The following ARHGEF7 variants were observed in gnomAD, a reference collection of about 807,000 sequenced individuals.
ARHGEF7 encodes the protein Rho guanine nucleotide exchange factor 7.
In ARHGEF7, 33 loss-of-function variants were observed where a neutral mutation model predicts 109.8. That is an observed-to-expected ratio of 0.30 (90% CI 0.23 to 0.40). The LOEUF (loss-of-function observed/expected upper bound fraction) is 0.40. Among genes scored for constraint, ARHGEF7 ranks in the 10% least tolerant of loss-of-function variants. ARHGEF7 has a pLI of 1.00. For synonymous variants in ARHGEF7, 458 were observed against 424.6 expected, an observed-to-expected ratio of 1.08 and a Z score of -0.97; for missense variants, 938 against 1,098.5, an observed-to-expected ratio of 0.85 and a Z score of 2.07.
intron 5 of ARHGEF7, among the ~76,000 whole-genome samples, chr13:111,232,074 A>G (rs1424803994): frequency 6.6e-6 from 1 of 152,062 alleles, no homozygotes; most frequent in Admixed American, 6.5e-5. Context: ...TCAATGTTAG[A>G]CCTATCTGCC....
intron 2 of ARHGEF7, among the ~76,000 whole-genome samples, chr13:111,198,819 C>T (rs1308085508): frequency 1.2e-4 from 18 of 152,184 alleles, no homozygotes; most frequent in Non-Finnish European, 2.4e-4. Context: ...GCCCTGCCCA[C>T]GTCCTGCTGA....
At chr13:111,210,615 A>G (rs2082379308) in intron 4 of ARHGEF7, among the ~76,000 whole-genome samples, 1 of 152,158 alleles carries the variant, frequency 6.6e-6, no homozygotes, top group African/African-American at 2.4e-5. Context: ...GTAATAGTGA[A>G]GTTGAAAATG....
chr13:111,221,017 A>T (rs911479819), intron 5 of ARHGEF7, among the ~76,000 whole-genome samples: 10 of 148,722 alleles, frequency 6.7e-5, no homozygotes, highest in African/African-American at 2.2e-4. Context: ...TTTATTATAT[A>T]TACATGTTAT....
chr13:111,215,318 T>A (rs2082988718), intron 4 of ARHGEF7, among the ~76,000 whole-genome samples: 1 of 152,124 alleles, frequency 6.6e-6, no homozygotes. Flanking sequence ...GCTGTCCTGC[T>A]CCTCCGTTGG....
intron 4 of ARHGEF7, among the ~76,000 whole-genome samples, chr13:111,212,564 C>T (rs2082631234): frequency 6.6e-6 from 1 of 152,012 alleles, no homozygotes; most frequent in Admixed American, 6.6e-5. Context: ...GGTGATTGTC[C>T]CCATCATCCT....
At chr13:111,279,938 T>A (rs983770544) in intron 13 of ARHGEF7, among the ~76,000 whole-genome samples, 1 of 152,252 alleles carries the variant, frequency 6.6e-6, no homozygotes, top group African/African-American at 2.4e-5. Flanking sequence ...ACAACTGTTA[T>A]ACACGGTAGT....
intron 5 of ARHGEF7, among the ~76,000 whole-genome samples, chr13:111,232,653 G>A (rs2086254257): frequency 6.6e-6 from 1 of 152,184 alleles, no homozygotes; most frequent in African/African-American, 2.4e-5. Context: ...GCCTGGTGTG[G>A]AAGTGAAGGC....
chr13:111,265,808 C>T (rs1280505184), intron 8 of ARHGEF7: 14 of 445,178 alleles, frequency 3.1e-5, no homozygotes, highest in South Asian at 9.5e-5. Context: ...GCCCCTTCCC[C>T]GCTGTGAGGA....
At chr13:111,217,585 T>G (rs2083291770) in intron 4 of ARHGEF7, 94 bp from the exon 5 acceptor site, 1 of 1,204,072 alleles carries the variant, frequency 8.3e-7, no homozygotes, top group Non-Finnish European at 1.2e-6. Context: ...GTTGGGCAAT[T>G]ATGCTACCTT....
intron 2 of ARHGEF7, among the ~76,000 whole-genome samples, chr13:111,201,799 G>C (rs1275718973): frequency 3.9e-5 from 6 of 152,082 alleles, no homozygotes; most frequent in Non-Finnish European, 1.5e-5. Flanking sequence ...CCTTCTTCCA[G>C]CACCGCCGTG....
chr13:111,297,685 C>T (rs995662359), intron 19 of ARHGEF7, among the ~76,000 whole-genome samples: 6 of 152,224 alleles, frequency 3.9e-5, no homozygotes, highest in Non-Finnish European at 7.3e-5. Flanking sequence ...CCACGAGGGG[C>T]GTCCTGGTTC....
Position 111,233,230 on chromosome 13 carries a change from A to G in ARHGEF7, c.696A>G (p.Gly232=), listed in dbSNP as rs2086346556. Residue 232 remains glycine (G), a synonymous_variant, in exon 6 of 22, where the codon GGA becomes GGG. Coordinates refer to ENST00000646102, the MANE Select transcript of ARHGEF7 (RefSeq NM_001354046.2). ...ASEKPVSPKS[G]TLKSPPKGFD... ...AGAAGCCTGTGTCTCCCAAATCAGG[A>G]ACACTGAAGAGCCCTCCCAAAGGAT... 1 of 1,614,134 alleles carries G rather than the reference A, an allele frequency of 6.2e-7. No individual in the cohort carries two copies. Among genetic ancestry groups the G allele is most frequent in the African/African-American group, 1.3e-5 (1 of 75,052 alleles).
At chr13:111,169,854 A>G (rs2077437304) in intron 2 of ARHGEF7, among the ~76,000 whole-genome samples, 1 of 152,114 alleles carries the variant, frequency 6.6e-6, no homozygotes, top group South Asian at 2.1e-4. Context: ...AGGGAGTGTA[A>G]TTCTAGTTGG....
chr13:111,300,335 G>C (rs1362007603), intron 19 of ARHGEF7, among the ~76,000 whole-genome samples: 1 of 152,188 alleles, frequency 6.6e-6, no homozygotes, highest in African/African-American at 2.4e-5. Flanking sequence ...TTTATTGCCA[G>C]ATCTTTGATG....
In ARHGEF7 at chr13:111,245,595, G is replaced by A. The variant is rs117885915; in HGVS notation, c.950+1301G>A. Among the ~76,000 whole-genome samples, 467 of 152,184 alleles carry A rather than the reference G, an allele frequency of 3.1e-3. 1 individual carries two copies. Among genetic ancestry groups the A allele is most frequent in the South Asian group, 0.011 (53 of 4,808 alleles). ...CTTCAGTGATTGCTCTCATTTGGTCGTTGTCAACTTCTGATGGCCGGCCAC... is the reference window on the plus strand; with the variant it reads ...CTTCAGTGATTGCTCTCATTTGGTCATTGTCAACTTCTGATGGCCGGCCAC... On this transcript the variant is annotated intron_variant, in intron 8 of 21. Transcript: ENST00000646102.
intron 1 of ARHGEF7, 63 bp downstream of exon 1, chr13:111,115,754 G>C (rs2066692455): frequency 9.9e-7 from 1 of 1,013,418 alleles, no homozygotes; most frequent in South Asian, 4.6e-5. Flanking sequence ...CCCGGGATGC[G>C]CGCGGAGCAC....
At chr13:111,125,327 C>CT (rs796505027) in intron 1 of ARHGEF7, among the ~76,000 whole-genome samples, 5 of 147,416 alleles carry the variant, frequency 3.4e-5, no homozygotes, top group African/African-American at 1.2e-4. Flanking sequence ...TTGAAATGTT[C>CT]TTTTTTTTCT....
At position 111,267,633 on chromosome 13, in the gene ARHGEF7, A is replaced by T. The variant is rs1567016973; in HGVS notation, c.1036A>T (p.Asn346Tyr). 1 of 1,614,110 alleles carries T rather than the reference A, an allele frequency of 6.2e-7. No individual in the cohort carries two copies. Among genetic ancestry groups the T allele is most frequent in the Non-Finnish European group, 8.5e-7 (1 of 1,179,956 alleles). Residue 346 changes from asparagine to tyrosine, a missense_variant, in exon 9 of 22, where the codon AAT (asparagine) becomes TAT (tyrosine). Transcript: ENST00000646102. Reference sequence around the variant, plus strand: ...AACCCTGTACCTCACGTATTGTGCCAATCACCCTTCTGCAGTGAATGTCCT... The same window carrying T: ...AACCCTGTACCTCACGTATTGTGCCTATCACCCTTCTGCAGTGAATGTCCT... ...MKTLYLTYCA[N>Y]HPSAVNVLTE...
chr13:111,155,858 AT>A (rs1297991618), intron 2 of ARHGEF7, among the ~76,000 whole-genome samples: 13 of 152,194 alleles, frequency 8.5e-5, no homozygotes, highest in African/African-American at 3.1e-4. Context: ...GGTGGATCAC[AT>A]GAGGTCGGGA....
Sources: gnomAD v4.1 joint callset for allele counts (sites outside exome capture counted in the v4.1 genomes callset) on GRCh38, gnomAD v4.1.1 for gene constraint, MANE v1.5 for transcripts, NCBI Gene and HGNC (gene_info 2026-07-23, HGNC 2026-07-21) for gene names.